Variants in RABGAP1 observed in about 807,000 individuals in gnomAD.
The protein encoded by RABGAP1 is rab GTPase-activating protein 1.
A neutral mutation model predicts 137.6 loss-of-function variants in RABGAP1; 23 were observed. The ratio of observed to expected loss-of-function variants is 0.17; its 90% CI spans 0.12 to 0.24. The LOEUF is 0.24. RABGAP1 is among the 10% of genes least tolerant of loss of function. RABGAP1 has a pLI of 1.00. For missense variants in RABGAP1, 906 were observed against 1,275.8 expected, an observed-to-expected ratio of 0.71 and a Z score of 4.42; for synonymous variants, 451 against 450.7, an observed-to-expected ratio of 1.00 and a Z score of -0.01.
the RABGAP1 span, among the ~76,000 whole-genome samples, chr9:122,935,698 T>C: frequency 6.6e-6 from 1 of 152,232 alleles, no homozygotes; most frequent in Non-Finnish European, 1.5e-5. Flanking sequence ...AAAGTGGAGT[T>C]ACAAATCATA....
At chr9:123,027,104 T>C (rs984245493) in intron 13 of RABGAP1, among the ~76,000 whole-genome samples, 2 of 132,630 alleles carry the variant, frequency 1.5e-5, no homozygotes, top group African/African-American at 5.4e-5. Flanking sequence ...TCTTTCTTTC[T>C]TTTCTTTTTT....
chr9:123,077,333 G>A (rs1233978293), intron 19 of RABGAP1, among the ~76,000 whole-genome samples: 1 of 151,522 alleles, frequency 6.6e-6, no homozygotes, highest in Non-Finnish European at 1.5e-5. Flanking sequence ...ACTTTTTTTT[G>A]TAGATTTGGG....
intron 21 of RABGAP1, among the ~76,000 whole-genome samples, chr9:123,091,848 G>A (rs1368403675): frequency 6.6e-6 from 1 of 152,006 alleles, no homozygotes; most frequent in Admixed American, 6.6e-5. Flanking sequence ...TCCTTACGGT[G>A]CAAATTCCCA....
chr9:123,046,727 G>A (rs1303085106), intron 13 of RABGAP1, among the ~76,000 whole-genome samples: 3 of 152,172 alleles, frequency 2.0e-5, no homozygotes, highest in Admixed American at 2.0e-4. Context: ...GTTTTAAGTT[G>A]AGATATAAGG....
chr9:123,008,797 T>G (rs2030542550), intron 10 of RABGAP1, among the ~76,000 whole-genome samples: 6 of 152,168 alleles, frequency 3.9e-5, no homozygotes, highest in Admixed American at 3.9e-4. Context: ...GGAACTTGGA[T>G]TTACATGGTC....
chr9:123,074,859 C>T (rs1270032371), intron 17 of RABGAP1, among the ~76,000 whole-genome samples: 1 of 152,128 alleles, frequency 6.6e-6, no homozygotes, highest in Non-Finnish European at 1.5e-5. Context: ...GGAGAGGGTG[C>T]CTCCTCTGTT....
rs1588222408 is a variant in RABGAP1 at position 122,989,357 on chromosome 9, C to T, written c.651C>T (p.Phe217=). The T allele has an allele frequency of 6.2e-7, 1 of 1,613,798 alleles. No individual in the cohort carries two copies. The highest frequency in any genetic ancestry group is 8.5e-7 in the Non-Finnish European group (1 of 1,179,762). ...IANYPIYKIL[F]CVRGHDGTPE... is the part of the protein sequence containing the mutation. Reference sequence around the variant, plus strand: ...ACTACCCTATCTACAAAATCCTCTTCTGTGTCAGAGGGCATGATGGAACTC... The same window carrying T: ...ACTACCCTATCTACAAAATCCTCTTTTGTGTCAGAGGGCATGATGGAACTC... Residue 217 remains phenylalanine, a synonymous_variant, in exon 5 of 26, where the codon TTC becomes TTT. Coordinates refer to ENST00000373647, the MANE Select transcript of RABGAP1 (RefSeq NM_012197.4).
intron 13 of RABGAP1, among the ~76,000 whole-genome samples, chr9:123,031,141 A>G (rs1030654285): frequency 6.6e-6 from 1 of 152,116 alleles, no homozygotes; most frequent in Admixed American, 6.5e-5. Context: ...TGTTTTTATC[A>G]GCGTAACTGT....
At position 123,070,259 on chromosome 9, in the gene RABGAP1, C is replaced by G; in HGVS notation, c.1909-91C>G. 1.3e-6 allele frequency: 2 copies of G among 1,576,562 alleles called. No individual in the cohort carries two copies. Among genetic ancestry groups the G allele is most frequent in the Non-Finnish European group, 1.7e-6 (2 of 1,162,170 alleles). Reference sequence around the variant, plus strand: ...GCTGTCCCAGTGTGGGTAGCATCCTCCAGGGTTCTGTATTCAAGGTCCTAT... The same window carrying G: ...GCTGTCCCAGTGTGGGTAGCATCCTGCAGGGTTCTGTATTCAAGGTCCTAT... On this transcript the variant is annotated intron_variant, in intron 14 of 25. Coordinates refer to ENST00000373647, the MANE Select transcript of RABGAP1 (RefSeq NM_012197.4). The surrounding 1 kb of genome is among the most constrained non-coding windows in gnomAD (Gnocchi z 4.4).
chr9:122,948,080 C>G (rs1834037202), intron 1 of RABGAP1, among the ~76,000 whole-genome samples: 1 of 149,478 alleles, frequency 6.7e-6, no homozygotes, highest in Non-Finnish European at 1.5e-5. Context: ...CACACACACA[C>G]ACAAACTGAA....
chr9:123,100,276 G>T (rs1003334053), intron 24 of RABGAP1, among the ~76,000 whole-genome samples: 1 of 152,202 alleles, frequency 6.6e-6, no homozygotes, highest in Admixed American at 6.5e-5. Flanking sequence ...TTACAGCTCA[G>T]AGGACAGGAA....
At chr9:123,001,067 C>T (rs564824886) in intron 10 of RABGAP1, among the ~76,000 whole-genome samples, 1 of 151,908 alleles carries the variant, frequency 6.6e-6, no homozygotes, top group Non-Finnish European at 1.5e-5. Context: ...CCAGGCTGGT[C>T]TCGAACTCCT....
At chr9:122,960,341 A>G (rs894025122) in intron 2 of RABGAP1, among the ~76,000 whole-genome samples, 2 of 152,218 alleles carry the variant, frequency 1.3e-5, no homozygotes, top group African/African-American at 4.8e-5. Context: ...CAATTAGTGT[A>G]ATTTAACAAG....
intron 13 of RABGAP1, among the ~76,000 whole-genome samples, chr9:123,059,583 CAAAA>C (rs564713778): frequency 7.9e-5 from 12 of 151,764 alleles, no homozygotes; most frequent in African/African-American, 2.2e-4. Flanking sequence ...AAAACAAAAA[CAAAA>C]AAAACTAATC....
chr9:122,966,611 GT>G (rs963777146), intron 2 of RABGAP1, among the ~76,000 whole-genome samples: 8 of 151,296 alleles, frequency 5.3e-5, no homozygotes, highest in African/African-American at 1.9e-4. Context: ...AGTGATAACA[GT>G]TGGTTCTTAG....
intron 10 of RABGAP1, among the ~76,000 whole-genome samples, chr9:123,000,529 T>A (rs1837264903): frequency 6.6e-6 from 1 of 152,112 alleles, no homozygotes; most frequent in Non-Finnish European, 1.5e-5. Context: ...TACTTTCTTT[T>A]CCTTAAAGCT....
At position 123,103,279 on chromosome 9, in the gene RABGAP1, T is replaced by G; in HGVS notation, c.*66T>G. 6.3e-7 allele frequency: 1 copy of G among 1,590,554 alleles called. No individual in the cohort carries two copies. Among genetic ancestry groups the G allele is most frequent in the Non-Finnish European group, 8.6e-7 (1 of 1,168,736 alleles). ...CCTTTTGTTGCCTTCTTTGGCCAGA[T>G]GTGTGATTCTGTGACTTGTCCCAGG... On this transcript the variant is annotated 3_prime_UTR_variant, in exon 26 of 26. Transcript: ENST00000373647.
intron 10 of RABGAP1, among the ~76,000 whole-genome samples, chr9:123,006,986 C>T (rs1209562432): frequency 6.6e-6 from 1 of 151,724 alleles, no homozygotes; most frequent in Non-Finnish European, 1.5e-5. Context: ...TGTGGGTTTT[C>T]CTGGATTTTT....
chr9:123,100,062 G>A (rs557485358), intron 24 of RABGAP1, among the ~76,000 whole-genome samples: 5 of 152,178 alleles, frequency 3.3e-5, no homozygotes, highest in South Asian at 2.1e-4. Context: ...GGGCTCAAGC[G>A]AAATCCCTCC....
Sources: gnomAD v4.1 joint callset for allele counts (sites outside exome capture counted in the v4.1 genomes callset) on GRCh38, gnomAD v4.1.1 for gene constraint, Gnocchi (gnomAD v3.1) non-coding constraint, MANE v1.5 for transcripts, NCBI Gene and HGNC (gene_info 2026-07-23, HGNC 2026-07-21) for gene names.